The following CCDC102B variants were observed in gnomAD, a reference collection of about 807,000 sequenced individuals.
CCDC102B encodes coiled-coil domain-containing protein 102B.
Under a neutral mutation model 57.4 loss-of-function variants are expected in CCDC102B, and 75 were observed. The ratio of observed to expected loss-of-function variants is 1.31; its 90% CI spans 1.08 to 1.58. The LOEUF (loss-of-function observed/expected upper bound fraction) is 1.58. Ranked by LOEUF, CCDC102B falls within the 40% of genes most tolerant of loss-of-function variation. CCDC102B has a pLI of 0.00. For synonymous variants in CCDC102B, 206 were observed against 201.9 expected, an observed-to-expected ratio of 1.02 and a Z score of -0.17; for missense variants, 636 against 582.6, an observed-to-expected ratio of 1.09 and a Z score of -0.94.
At chr18:68,944,280 A>T (rs2049470165) in intron 6 of CCDC102B, among the ~76,000 whole-genome samples, 1 of 151,410 alleles carries the variant, frequency 6.6e-6, no homozygotes, top group Non-Finnish European at 1.5e-5. Context: ...AGCAGGGAAA[A>T]TTTAAAGGTA....
chr18:68,817,525 G>C (rs2036531119), intron 1 of CCDC102B, among the ~76,000 whole-genome samples: 1 of 152,182 alleles, frequency 6.6e-6, no homozygotes, highest in Non-Finnish European at 1.5e-5. Context: ...ATTCAAAGAA[G>C]ATGAAGGAAG....
chr18:68,894,086 C>A (rs2040165964), intron 5 of CCDC102B, among the ~76,000 whole-genome samples: 1 of 152,020 alleles, frequency 6.6e-6, no homozygotes, highest in Admixed American at 6.6e-5. Context: ...TTATTGCAGG[C>A]CTTTCTATGA....
chr18:68,765,037 A>G (rs1599427322), intron 2 of CCDC102B, among the ~76,000 whole-genome samples: 1 of 130,876 alleles, frequency 7.6e-6, no homozygotes, highest in African/African-American at 2.8e-5. Flanking sequence ...ACAGAGTGAA[A>G]CCCTCTCTTA....
At chr18:68,868,296 C>T (rs1599602568) in intron 4 of CCDC102B, among the ~76,000 whole-genome samples, 1 of 151,924 alleles carries the variant, frequency 6.6e-6, no homozygotes, top group East Asian at 1.9e-4. Context: ...CATTTGACAT[C>T]CTTATTTTGA....
chr18:68,949,515 G>T (rs2145192265), intron 6 of CCDC102B, among the ~76,000 whole-genome samples: 1 of 152,200 alleles, frequency 6.6e-6, no homozygotes, highest in Non-Finnish European at 1.5e-5. Context: ...ATGGTATAAT[G>T]TATATTTCAT....
intron 6 of CCDC102B, among the ~76,000 whole-genome samples, chr18:68,997,087 T>C (rs144202142): frequency 7.9e-5 from 12 of 152,276 alleles, no homozygotes; most frequent in African/African-American, 2.2e-4. Context: ...CCTGCCACCA[T>C]GTAAAGAAGG....
chr18:68,733,966 G>A (rs1455818037), intron 2 of CCDC102B, among the ~76,000 whole-genome samples: 1 of 152,140 alleles, frequency 6.6e-6, no homozygotes, highest in Non-Finnish European at 1.5e-5. Context: ...GCGTTTCCAG[G>A]AGAGGTCACA....
intron 2 of CCDC102B, among the ~76,000 whole-genome samples, chr18:68,717,697 A>C (rs1244439933): frequency 6.6e-6 from 1 of 152,160 alleles, no homozygotes; most frequent in Non-Finnish European, 1.5e-5. Flanking sequence ...TATCTACCTC[A>C]AGTGGTGATA....
At chr18:68,913,979 T>C (rs1220476357) in intron 6 of CCDC102B, among the ~76,000 whole-genome samples, 1 of 152,220 alleles carries the variant, frequency 6.6e-6, no homozygotes, top group Non-Finnish European at 1.5e-5. Context: ...TTGGAATTAC[T>C]AGGCATGTAA....
chr18:69,022,234 A>G (rs1013441156), intron 7 of CCDC102B, among the ~76,000 whole-genome samples: 1 of 136,970 alleles, frequency 7.3e-6, no homozygotes, highest in African/African-American at 3.4e-5. Flanking sequence ...ACACACACAC[A>G]CGCGTGCGTG....
intron 6 of CCDC102B, among the ~76,000 whole-genome samples, chr18:68,945,122 C>CTCCA (rs369066554): frequency 4.9e-5 from 7 of 144,046 alleles, no homozygotes; most frequent in African/African-American, 1.5e-4. Context: ...CTCTCTCTCT[C>CTCCA]CACACACACA....
At chr18:68,837,809 GAT>G (rs1249445635) in intron 2 of CCDC102B, among the ~76,000 whole-genome samples, 1 of 152,132 alleles carries the variant, frequency 6.6e-6, no homozygotes. Flanking sequence ...TAACAAGAAA[GAT>G]ATGTATATGT....
intron 6 of CCDC102B, among the ~76,000 whole-genome samples, chr18:69,007,873 T>C (rs921116519): frequency 6.6e-6 from 1 of 152,252 alleles, no homozygotes; most frequent in Non-Finnish European, 1.5e-5. Context: ...CTTCCTTCCT[T>C]CCTTTTGGTC....
chr18:68,730,335 G>C (rs1394587920), intron 2 of CCDC102B, among the ~76,000 whole-genome samples: 1 of 152,004 alleles, frequency 6.6e-6, no homozygotes, highest in South Asian at 2.1e-4. Context: ...TTACTTCTAA[G>C]TATCCCTAGG....
chr18:69,006,364 T>C (rs2051341780), intron 6 of CCDC102B, among the ~76,000 whole-genome samples: 1 of 152,068 alleles, frequency 6.6e-6, no homozygotes, highest in African/African-American at 2.4e-5. Flanking sequence ...CAGAAATGAA[T>C]GGATGGTAGC....
chr18:68,973,336 A>C (rs2050349130), intron 6 of CCDC102B, among the ~76,000 whole-genome samples: 2 of 152,146 alleles, frequency 1.3e-5, no homozygotes, highest in African/African-American at 4.8e-5. Flanking sequence ...GAAATGTATA[A>C]ATCACATAGT....
intron 2 of CCDC102B, among the ~76,000 whole-genome samples, chr18:68,722,003 A>G (rs1262235871): frequency 2.0e-5 from 3 of 152,212 alleles, no homozygotes; most frequent in African/African-American, 4.8e-5. Flanking sequence ...CAAGTACATG[A>G]TACAAGGGAG....
At chr18:68,736,370 A>G (rs115871232) in intron 2 of CCDC102B, among the ~76,000 whole-genome samples, 3,495 of 152,294 alleles carry the variant, frequency 0.023, 122 homozygotes, top group African/African-American at 0.079. Flanking sequence ...AAACACAAAC[A>G]TCTTTCTCCA....
chr18:68,763,790 G>GACA (rs1599425633), intron 2 of CCDC102B, among the ~76,000 whole-genome samples: 1 of 147,516 alleles, frequency 6.8e-6, no homozygotes, highest in African/African-American at 2.6e-5. Flanking sequence ...TACAGCAGTA[G>GACA]AACCTAGCAT....
Sources: allele counts gnomAD v4.1 joint callset (sites outside exome capture counted in the v4.1 genomes callset), GRCh38; gene constraint gnomAD v4.1.1; transcripts MANE v1.5; gene names NCBI Gene and HGNC (gene_info 2026-07-23, HGNC 2026-07-21).